The following CCNY variants were observed in gnomAD, a reference collection of about 807,000 sequenced individuals.
The protein encoded by CCNY is cyclin Y, also known as cyclin-Y.
Under a neutral mutation model 42.8 loss-of-function variants are expected in CCNY, and 19 were observed. The observed-to-expected ratio is 0.44, with a 90% CI of 0.31 to 0.65. The LOEUF (loss-of-function observed/expected upper bound fraction) is 0.65, where lower values mean the gene tolerates loss of function less well. Ranked by LOEUF, CCNY falls within the 30% of genes least tolerant of loss-of-function variation. The pLI is 0.07. For synonymous variants in CCNY, 165 were observed against 162.7 expected, an observed-to-expected ratio of 1.01 and a Z score of -0.11; for missense variants, 370 against 437.3, an observed-to-expected ratio of 0.85 and a Z score of 1.37.
intron 1 of CCNY, among the ~76,000 whole-genome samples, chr10:35,478,744 C>G (rs886403752): frequency 5.3e-5 from 8 of 152,144 alleles, no homozygotes; most frequent in African/African-American, 1.7e-4. Context: ...GACTTCATGT[C>G]TAAAACACCA....
At chr10:35,466,178 G>A (rs1839266527) in intron 1 of CCNY, among the ~76,000 whole-genome samples, 1 of 152,108 alleles carries the variant, frequency 6.6e-6, no homozygotes, top group Non-Finnish European at 1.5e-5. Flanking sequence ...GATATAAGAA[G>A]TACACAGGCA....
chr10:35,394,844 A>G, intron 1 of CCNY: 2 of 985,290 alleles, frequency 2.0e-6, no homozygotes, highest in Middle Eastern at 5.2e-4. Context: ...AGCAGGAGAA[A>G]GTGTTTCATC....
intron 3 of CCNY, among the ~76,000 whole-genome samples, chr10:35,290,997 T>C (rs1835406730): frequency 6.6e-6 from 1 of 152,006 alleles, no homozygotes; most frequent in African/African-American, 2.4e-5. Flanking sequence ...TTAAATGGAA[T>C]CATGAAATAT....
intron 8 of CCNY, 40 bp from the exon 9 acceptor site, chr10:35,565,983 T>G (rs1351176244): frequency 1.3e-6 from 2 of 1,583,062 alleles, no homozygotes; most frequent in South Asian, 1.2e-5. Flanking sequence ...TGGCCTGGTG[T>G]GGCAGCTAAG....
rs1275009371 is a variant in CCNY, at chr10:35,530,369, TA to T, written c.579+128del. ...AGGTTACCCTGTGGACACCGTGGCA[TA>T]AGCTTCAGTGTTGTCGTTCTCCTGG... On this transcript the variant is annotated intron_variant, in intron 7 of 9. Transcript: ENST00000374704. The surrounding 1 kb of genome is among the most constrained non-coding windows in gnomAD (Gnocchi z 4.3). The T allele has an allele frequency of 9.7e-6, 11 of 1,134,344 alleles. No individual in the cohort carries two copies. The Admixed American group carries it at 1.1e-4, about 11-fold the overall frequency. 70.3% of individuals were successfully genotyped at this position (1,134,344 alleles called of 1,614,324 possible). A position where few individuals can be genotyped will look rare whatever the true frequency, so the allele number is the denominator to read the frequency against.
In CCNY at chr10:35,494,058, G is replaced by C. The variant is rs137898991; in HGVS notation, c.230-7443G>C. 5.6e-3 allele frequency among the ~76,000 whole-genome samples: 858 copies of C among 152,258 alleles called. 15 individuals carry two copies. The highest frequency in any genetic ancestry group is 0.02 in the African/African-American group (821 of 41,534). ...TGGCTTCTGTGCACTGCTGTGCCCA[G>C]TCCCATCTTTTTCTGTGTTTTCCTT... On this transcript the variant is annotated intron_variant, in intron 2 of 9. Transcript: ENST00000374704.
At chr10:35,520,496 T>C (rs1346518817) in intron 4 of CCNY, among the ~76,000 whole-genome samples, 2 of 152,144 alleles carry the variant, frequency 1.3e-5, no homozygotes, top group Non-Finnish European at 2.9e-5. Flanking sequence ...TAAGTGAGCA[T>C]TTATGGGCCA....
At chr10:35,449,618 A>G (rs1019322432) in intron 1 of CCNY, 8 of 220,334 alleles carry the variant, frequency 3.6e-5, no homozygotes, top group Admixed American at 6.9e-5. Flanking sequence ...CTGATGGGAA[A>G]TGCATGATGC....
chr10:35,333,916 C>T (rs146342187), upstream of CCNY, among the ~76,000 whole-genome samples: 539 of 151,982 alleles, frequency 3.5e-3, 17 homozygotes, highest in Admixed American at 0.027. Flanking sequence ...AAATCACTAG[C>T]GAGGCTTTAG....
intron 1 of CCNY, among the ~76,000 whole-genome samples, chr10:35,406,201 T>TTTTATTTTA (rs1554785131): frequency 7.6e-4 from 95 of 124,392 alleles, no homozygotes; most frequent in African/African-American, 2.9e-3. Flanking sequence ...TTCTTTTTTA[T>TTTTATTTTA]TTTATTTATT....
intron 3 of CCNY, among the ~76,000 whole-genome samples, chr10:35,257,815 G>C (rs2095716720): frequency 1.3e-5 from 2 of 152,094 alleles, no homozygotes; most frequent in Admixed American, 6.6e-5. Context: ...TTACTTCTTT[G>C]AATATTCTCT....
chr10:35,430,425 T>G (rs969548746), intron 1 of CCNY, among the ~76,000 whole-genome samples: 2 of 149,980 alleles, frequency 1.3e-5, no homozygotes, highest in Non-Finnish European at 2.9e-5. Flanking sequence ...TTCATGGTAA[T>G]TTTTTTTAAA....
chr10:35,261,427 A>C (rs1008656277), intron 3 of CCNY, among the ~76,000 whole-genome samples: 1 of 150,538 alleles, frequency 6.6e-6, no homozygotes, highest in African/African-American at 2.4e-5. Flanking sequence ...TAGTAGAGAC[A>C]GGGTTTTGCC....
rs914124962 is a variant in CCNY, at chr10:35,530,568, C to A, written c.579+325C>A. ...ATATGGCCAAGGTACTCCCTGTATACGTCTAGGTTTCCTGGTGTTGATTCC... is the reference window on the plus strand; with the variant it reads ...ATATGGCCAAGGTACTCCCTGTATAAGTCTAGGTTTCCTGGTGTTGATTCC... On this transcript the variant is annotated intron_variant, in intron 7 of 9. Transcript: ENST00000374704. The surrounding 1 kb of genome is among the most constrained non-coding windows in gnomAD (Gnocchi z 4.3). Among the ~76,000 whole-genome samples, 2 of 152,106 alleles carry A rather than the reference C, an allele frequency of 1.3e-5. No homozygotes were observed. Among genetic ancestry groups the A allele is most frequent in the Middle Eastern group, 3.2e-3 (1 of 316 alleles).
chr10:35,443,076 A>G (rs1838709509), intron 1 of CCNY, among the ~76,000 whole-genome samples: 1 of 152,234 alleles, frequency 6.6e-6, no homozygotes, highest in African/African-American at 2.4e-5. Context: ...GAAGATAAAA[A>G]ATAGTATGCC....
chr10:35,482,624 A>C (rs1194463886), intron 1 of CCNY, among the ~76,000 whole-genome samples: 1 of 152,146 alleles, frequency 6.6e-6, no homozygotes, highest in Non-Finnish European at 1.5e-5. Flanking sequence ...CTGGAGTCTT[A>C]TGTCCCATAA....
chr10:35,509,844 T>C (rs979464191), intron 3 of CCNY, among the ~76,000 whole-genome samples: 1 of 152,240 alleles, frequency 6.6e-6, no homozygotes, highest in African/African-American at 2.4e-5. Flanking sequence ...CACTCCACCC[T>C]GTATTAGCTG....
At chr10:35,425,477 ATAACTCCG>A (rs1335735302) in intron 1 of CCNY, among the ~76,000 whole-genome samples, 1 of 152,252 alleles carries the variant, frequency 6.6e-6, no homozygotes, top group Non-Finnish European at 1.5e-5. Flanking sequence ...ATTGTTTATT[ATAACTCCG>A]TAATAGAATA....
intron 1 of CCNY, among the ~76,000 whole-genome samples, chr10:35,424,205 G>C (rs753465782): frequency 6.6e-6 from 1 of 152,182 alleles, no homozygotes; most frequent in Admixed American, 6.5e-5. Context: ...CCTAGCATAA[G>C]TTCTCAAATG....
Sources: gnomAD v4.1 joint callset for allele counts (sites outside exome capture counted in the v4.1 genomes callset) on GRCh38, gnomAD v4.1.1 for gene constraint, Gnocchi (gnomAD v3.1) non-coding constraint, MANE v1.5 for transcripts, NCBI Gene and HGNC (gene_info 2026-07-23, HGNC 2026-07-21) for gene names.